GRIN2A: variants seen among roughly 807,000 people sequenced by gnomAD.
The protein encoded by GRIN2A is glutamate receptor ionotropic, NMDA 2A.
Under a neutral mutation model 113.4 loss-of-function variants are expected in GRIN2A, and 22 were observed. That is an observed-to-expected ratio of 0.19 (90% CI 0.14 to 0.28). The LOEUF (loss-of-function observed/expected upper bound fraction) is 0.28, where lower values mean the gene tolerates loss of function less well. Among genes scored for constraint, GRIN2A ranks in the 10% least tolerant of loss-of-function variants. The pLI is 1.00. For missense variants in GRIN2A, 1,502 were observed against 1,887.0 expected (o/e 0.80, Z 3.78); for synonymous variants, 827 against 738.4 (o/e 1.12, Z -1.94).
intron 2 of GRIN2A, among the ~76,000 whole-genome samples, chr16:10,133,188 A>C (rs1390266936): frequency 6.6e-6 from 1 of 152,260 alleles, no homozygotes; most frequent in East Asian, 1.9e-4. Context: ...CAGGAGTCAG[A>C]GTTTAGAAGG....
chr16:9,958,228 T>A (rs758108340), intron 2 of GRIN2A, among the ~76,000 whole-genome samples: 1 of 152,242 alleles, frequency 6.6e-6, no homozygotes, highest in Non-Finnish European at 1.5e-5. Flanking sequence ...GTTGTTATCA[T>A]AATTGCCATT....
chr16:9,898,803 T>G lies in GRIN2A; in HGVS notation c.1008-7703A>C, dbSNP rs560337279. 6.2e-4 allele frequency among the ~76,000 whole-genome samples: 93 copies of G among 149,302 alleles called. 1 individual carries two copies. The highest frequency in any genetic ancestry group is 6.9e-3 in the Middle Eastern group (2 of 290). ...TTTTCACAGAGTGTTTTTTTTTTGT[T>G]TTTTTTTTTTCTCTTACAAGCATTC... On this transcript the variant is annotated intron_variant, in intron 3 of 12. Coordinates refer to ENST00000330684, the MANE Select transcript of GRIN2A (RefSeq NM_001134407.3).
intron 2 of GRIN2A, among the ~76,000 whole-genome samples, chr16:10,101,257 A>G (rs1480798965): frequency 4.6e-5 from 7 of 152,130 alleles, no homozygotes; most frequent in Non-Finnish European, 1.5e-5. Flanking sequence ...ATTTTTTCCC[A>G]GGTACTTATG....
At chr16:9,942,983 T>C (rs2044923205) in intron 2 of GRIN2A, 1 of 152,192 alleles carries the variant, frequency 6.6e-6, no homozygotes, top group African/African-American at 2.4e-5. Flanking sequence ...TGGGATTTCC[T>C]AAGGTGATTT....
intron 2 of GRIN2A, among the ~76,000 whole-genome samples, chr16:10,115,386 A>G (rs2048711646): frequency 6.6e-6 from 1 of 152,144 alleles, no homozygotes. Context: ...GTAGTAGGAG[A>G]GATGCTTAAA....
intron 2 of GRIN2A, among the ~76,000 whole-genome samples, chr16:10,022,332 C>A (rs957800228): frequency 9.2e-5 from 14 of 151,650 alleles, no homozygotes; most frequent in Middle Eastern, 3.4e-3. Context: ...CACGCACACA[C>A]GCAAGCACGC....
At chr16:9,925,506 C>T (rs905103398) in intron 3 of GRIN2A, among the ~76,000 whole-genome samples, 13 of 152,276 alleles carry the variant, frequency 8.5e-5, no homozygotes, top group African/African-American at 2.9e-4. Flanking sequence ...CTATGAAATC[C>T]AGCTGCTTTT....
chr16:9,892,233 G>A (rs2043709002), intron 3 of GRIN2A, among the ~76,000 whole-genome samples: 2 of 151,756 alleles, frequency 1.3e-5, no homozygotes, highest in Non-Finnish European at 2.9e-5. Context: ...CCCTGTCTCA[G>A]AAAAACAAAC....
chr16:9,767,153 T>C (rs1454934123), intron 12 of GRIN2A, among the ~76,000 whole-genome samples: 1 of 152,232 alleles, frequency 6.6e-6, no homozygotes, highest in Non-Finnish European at 1.5e-5. Flanking sequence ...TCTATGCACG[T>C]ACGTTGTTAT....
intron 5 of GRIN2A, among the ~76,000 whole-genome samples, chr16:9,843,790 A>G (rs1420940052): frequency 6.6e-6 from 1 of 152,166 alleles, no homozygotes; most frequent in Admixed American, 6.5e-5. Flanking sequence ...ATGATTAGTG[A>G]CCTCAACACT....
intron 9 of GRIN2A, among the ~76,000 whole-genome samples, chr16:9,826,565 C>A (rs2042391788): frequency 6.6e-6 from 1 of 152,070 alleles, no homozygotes; most frequent in Admixed American, 6.6e-5. Context: ...ACAAAACCAA[C>A]CACAGTGTAC....
intron 2 of GRIN2A, among the ~76,000 whole-genome samples, chr16:10,122,168 C>T (rs1360176149): frequency 6.6e-6 from 1 of 152,150 alleles, no homozygotes; most frequent in Non-Finnish European, 1.5e-5. Context: ...GCTTGACCAG[C>T]AAAGTCCCCT....
rs140689563 is a variant in GRIN2A at position 9,960,229 on chromosome 16, T to G, written c.415-21678A>C. Among the ~76,000 whole-genome samples, 465 of 152,342 alleles carry G rather than the reference T, an allele frequency of 3.1e-3. 3 individuals are homozygous for G. The highest frequency in any genetic ancestry group is 0.011 in the African/African-American group (441 of 41,576). ...TTGAATAAATACTGAATGAACTAGA[T>G]TGCAGACACAGAGTTTATAACAACC... On this transcript the variant is annotated intron_variant, in intron 2 of 12. Transcript: ENST00000330684.
At chr16:10,087,779 G>T (rs4780790) in intron 2 of GRIN2A, among the ~76,000 whole-genome samples, 102,536 of 151,326 alleles carry the variant, frequency 0.68, 35,021 homozygotes, top group Middle Eastern at 0.78. Context: ...AGCCTCCATC[G>T]GGGCTCAAGT....
At chr16:9,786,537 T>G (rs1386481103) in intron 11 of GRIN2A, among the ~76,000 whole-genome samples, 1 of 152,154 alleles carries the variant, frequency 6.6e-6, no homozygotes, top group African/African-American at 2.4e-5. Context: ...GTTTCATTAG[T>G]AAAAGAGGAA....
chr16:9,956,321 A>T (rs138545145), intron 2 of GRIN2A, among the ~76,000 whole-genome samples: 8 of 152,298 alleles, frequency 5.3e-5, no homozygotes, highest in African/African-American at 1.9e-4. Flanking sequence ...AGCAAAGGTG[A>T]ATAAAAATTC....
At chr16:9,983,647 G>C (rs980281214) in intron 2 of GRIN2A, among the ~76,000 whole-genome samples, 2 of 152,104 alleles carry the variant, frequency 1.3e-5, no homozygotes, top group Admixed American at 6.5e-5. Flanking sequence ...CACTGCGTTA[G>C]CCAGGATAGT....
chr16:10,146,262 C>T (rs190739582), intron 2 of GRIN2A, among the ~76,000 whole-genome samples: 38 of 152,250 alleles, frequency 2.5e-4, no homozygotes, highest in Admixed American at 7.2e-4. Context: ...GGATTACAGG[C>T]GTGTGCTACC....
intron 2 of GRIN2A, among the ~76,000 whole-genome samples, chr16:10,042,912 C>T (rs923159389): frequency 9.2e-5 from 14 of 152,158 alleles, no homozygotes; most frequent in East Asian, 1.9e-4. Flanking sequence ...GTAGAACAGA[C>T]GGAAGGGAAG....
Sources: gnomAD v4.1 joint callset for allele counts (sites outside exome capture counted in the v4.1 genomes callset) on GRCh38, gnomAD v4.1.1 for gene constraint, MANE v1.5 for transcripts, NCBI Gene and HGNC (gene_info 2026-07-23, HGNC 2026-07-21) for gene names.